Variants in CNTNAP2 observed in about 807,000 individuals in gnomAD.
CNTNAP2 encodes the protein contactin-associated protein-like 2.
In CNTNAP2, 98 loss-of-function variants were observed where a neutral mutation model predicts 155.2. The observed-to-expected ratio is 0.63, with a 90% CI of 0.54 to 0.75. The LOEUF (loss-of-function observed/expected upper bound fraction) is 0.75, where lower values mean the gene tolerates loss of function less well. Ranked by LOEUF, CNTNAP2 falls within the 30% of genes least tolerant of loss-of-function variation. The pLI is 0.00. For missense variants in CNTNAP2, 1,727 were observed against 1,688.1 expected, an observed-to-expected ratio of 1.02 and a Z score of -0.40; for synonymous variants, 651 against 631.2, an observed-to-expected ratio of 1.03 and a Z score of -0.47.
At chr7:148,185,719 T>C (rs1795105711) in intron 18 of CNTNAP2, among the ~76,000 whole-genome samples, 1 of 152,252 alleles carries the variant, frequency 6.6e-6, no homozygotes, top group Admixed American at 6.5e-5. Context: ...TTAAATCCCT[T>C]TTAAATAGGT....
rs145090564 is a variant in CNTNAP2 at position 147,593,488 on chromosome 7, G to T, written c.1897+31231G>T. Among the ~76,000 whole-genome samples, 555 of 151,684 alleles carry T rather than the reference G, an allele frequency of 3.7e-3. 3 individuals are homozygous for T. Among genetic ancestry groups the T allele is most frequent in the Non-Finnish European group, 5.2e-3 (352 of 67,908 alleles). ...CAGGTTCTTCAGTTAAAAAGACTTG[G>T]GTTCTGTCCCCCTTTTACCACTTAC... On this transcript the variant is annotated intron_variant, in intron 12 of 23. Transcript: ENST00000361727.
In CNTNAP2 at chr7:147,485,936, T is replaced by A. The variant is rs754533080; in HGVS notation, c.1672T>A (p.Cys558Ser). 1.2e-5 allele frequency: 19 copies of A among 1,614,018 alleles called. No individual in the cohort carries two copies. The highest frequency in any genetic ancestry group is 1.6e-5 in the Non-Finnish European group (19 of 1,179,870). ...TCTGTTTGTCTCTCTCTCTGACAGA[T>A]GTGTGCCCAATCACTGTGAGCATGG... Reference protein sequence around the residue: ...SIDMCAIIDRCVPNHCEHGGK... With the variant: ...SIDMCAIIDRSVPNHCEHGGK... The change falls in exon 11 of 24, where the codon TGT (cysteine) becomes AGT (serine). Residue 558 changes from cysteine to serine, a missense_variant and splice_region_variant. Transcript: ENST00000361727.
chr7:146,890,450 C>T (rs1795752676), intron 3 of CNTNAP2, among the ~76,000 whole-genome samples: 1 of 152,108 alleles, frequency 6.6e-6, no homozygotes, highest in Admixed American at 6.6e-5. Flanking sequence ...AGACATGGCA[C>T]CACTTTTTAA....
chr7:146,121,119 CTTTTTTTTT>C (rs745449281), intron 1 of CNTNAP2, among the ~76,000 whole-genome samples: 92 of 65,786 alleles, frequency 1.4e-3, no homozygotes, highest in Non-Finnish European at 2.2e-3. Flanking sequence ...ATAAAGCTTC[CTTTTTTTTT>C]TTTTTTTTTT....
intron 8 of CNTNAP2, among the ~76,000 whole-genome samples, chr7:147,235,044 T>C (rs1461900300): frequency 2.0e-5 from 3 of 152,232 alleles, no homozygotes; most frequent in Admixed American, 6.5e-5. Context: ...TCCTGATGAA[T>C]TGGCAGACTG....
At chr7:147,601,645 ATATATATAT>A (rs1287330367) in intron 12 of CNTNAP2, among the ~76,000 whole-genome samples, 6 of 128,256 alleles carry the variant, frequency 4.7e-5, no homozygotes, top group African/African-American at 9.0e-5. Context: ...TTAAAAAAAA[ATATATATAT>A]ATATATATAT....
At chr7:147,127,559 C>T (rs1441232423) in intron 6 of CNTNAP2, among the ~76,000 whole-genome samples, 1 of 152,082 alleles carries the variant, frequency 6.6e-6, no homozygotes, top group Admixed American at 6.6e-5. Context: ...AAAATGTCTT[C>T]ACTGTTGCTT....
intron 9 of CNTNAP2, among the ~76,000 whole-genome samples, chr7:147,378,693 TACA>T (rs1796482940): frequency 6.6e-6 from 1 of 152,062 alleles, no homozygotes; most frequent in Admixed American, 6.6e-5. Flanking sequence ...TGTTTGATAG[TACA>T]ACAAGGTAAC....
intron 1 of CNTNAP2, among the ~76,000 whole-genome samples, chr7:146,389,647 C>T (rs1431188187): frequency 6.7e-6 from 1 of 149,618 alleles, no homozygotes; most frequent in Non-Finnish European, 1.5e-5. Flanking sequence ...TTTATCATCC[C>T]TGCATTGTCT....
chr7:148,253,023 T>TAGAA, intron 20 of CNTNAP2, among the ~76,000 whole-genome samples: 1 of 126,532 alleles, frequency 7.9e-6, no homozygotes, highest in Non-Finnish European at 1.7e-5. Context: ...GATAGATAGA[T>TAGAA]AGATAGATAG....
chr7:148,072,752 G>A (rs116123443), intron 15 of CNTNAP2, among the ~76,000 whole-genome samples: 1 of 152,164 alleles, frequency 6.6e-6, no homozygotes, highest in Non-Finnish European at 1.5e-5. Context: ...CTGTAGCCCA[G>A]ACTGGAGTGC....
chr7:147,940,101 T>G (rs1373929945), intron 14 of CNTNAP2: 1 of 151,980 alleles, frequency 6.6e-6, no homozygotes, highest in Non-Finnish European at 1.5e-5. Context: ...TAGTGCACTG[T>G]GCTGATAGGG....
chr7:147,972,148 A>C (rs7797584), intron 14 of CNTNAP2, among the ~76,000 whole-genome samples: 20,422 of 152,192 alleles, frequency 0.13, 2,240 homozygotes, highest in African/African-American at 0.31. Flanking sequence ...ATTTGTACTT[A>C]TATCTATGAG....
chr7:147,681,434 T>C (rs774563561), intron 13 of CNTNAP2, among the ~76,000 whole-genome samples: 10 of 151,892 alleles, frequency 6.6e-5, no homozygotes, highest in Non-Finnish European at 1.2e-4. Flanking sequence ...ACCAGAACTT[T>C]CTGAAACTTT....
At chr7:146,415,265 C>T (rs1795922943) in intron 1 of CNTNAP2, among the ~76,000 whole-genome samples, 1 of 152,048 alleles carries the variant, frequency 6.6e-6, no homozygotes, top group Non-Finnish European at 1.5e-5. Flanking sequence ...CAATGATCAC[C>T]TTCCTGGAGG....
intron 9 of CNTNAP2, among the ~76,000 whole-genome samples, chr7:147,376,429 ATG>A (rs1796435067): frequency 6.6e-6 from 1 of 151,990 alleles, no homozygotes; most frequent in Non-Finnish European, 1.5e-5. Context: ...TAGGGTTCAT[ATG>A]TTTTGAAAAT....
intron 11 of CNTNAP2, among the ~76,000 whole-genome samples, chr7:147,525,566 T>G (rs573801595): frequency 3.3e-4 from 50 of 152,276 alleles, no homozygotes; most frequent in Non-Finnish European, 4.6e-4. Flanking sequence ...GCAGCAGATA[T>G]AGTTGGATGG....
intron 16 of CNTNAP2, among the ~76,000 whole-genome samples, chr7:148,131,707 C>G (rs1804835451): frequency 1.3e-5 from 2 of 152,140 alleles, no homozygotes. Context: ...TAGGAGCTAA[C>G]AGTATCTCCA....
chr7:147,925,292 G>A (rs867472936), intron 14 of CNTNAP2, among the ~76,000 whole-genome samples: 27 of 143,218 alleles, frequency 1.9e-4, no homozygotes, highest in South Asian at 4.5e-4. Flanking sequence ...AAGCGCGCGC[G>A]CACACACACA....
Sources: gnomAD v4.1 joint callset for allele counts (sites outside exome capture counted in the v4.1 genomes callset) on GRCh38, gnomAD v4.1.1 for gene constraint, MANE v1.5 for transcripts, NCBI Gene and HGNC (gene_info 2026-07-23, HGNC 2026-07-21) for gene names.